SLIT3: variants seen among roughly 807,000 people sequenced by gnomAD.
SLIT3 encodes slit guidance ligand 3.
A neutral mutation model predicts 184.0 loss-of-function variants in SLIT3; 68 were observed. The ratio of observed to expected loss-of-function variants is 0.37; its 90% CI spans 0.30 to 0.45. The LOEUF (loss-of-function observed/expected upper bound fraction) is 0.45. SLIT3 is among the 20% of genes least tolerant of loss of function. The probability of loss-of-function intolerance (pLI) is 1.00; values close to 1 mark genes in which losing one functional copy is unlikely to be tolerated. For missense variants in SLIT3, 1,707 were observed against 2,026.0 expected, an observed-to-expected ratio of 0.84 and a Z score of 3.02; for synonymous variants, 831 against 828.6, an observed-to-expected ratio of 1.00 and a Z score of -0.05.
intron 4 of SLIT3, among the ~76,000 whole-genome samples, chr5:168,990,318 C>A (rs1755277205): frequency 6.6e-6 from 1 of 152,232 alleles, no homozygotes; most frequent in South Asian, 2.1e-4. Context: ...GGGTAAGAAA[C>A]TCCAGCCCCA....
chr5:168,977,496 T>C (rs1434473034), intron 4 of SLIT3, among the ~76,000 whole-genome samples: 1 of 152,194 alleles, frequency 6.6e-6, no homozygotes, highest in African/African-American at 2.4e-5. Flanking sequence ...CCAGATGCCC[T>C]ACCTTGCTCT....
chr5:168,669,165 C>T (rs1247922714), intron 35 of SLIT3, among the ~76,000 whole-genome samples: 1 of 152,204 alleles, frequency 6.6e-6, no homozygotes, highest in Non-Finnish European at 1.5e-5. Flanking sequence ...TTATGTGGTC[C>T]CCTCCCTCAC....
At chr5:168,838,696 A>G (rs1355074977) in intron 6 of SLIT3, among the ~76,000 whole-genome samples, 2 of 152,112 alleles carry the variant, frequency 1.3e-5, no homozygotes, top group Non-Finnish European at 2.9e-5. Flanking sequence ...ACCCTGACCT[A>G]GGTTTCAGGA....
chr5:168,763,474 G>A (rs920435040), intron 14 of SLIT3, among the ~76,000 whole-genome samples: 2 of 152,110 alleles, frequency 1.3e-5, no homozygotes, highest in Non-Finnish European at 2.9e-5. Flanking sequence ...GTCAGATTTG[G>A]CCTCTGTTTT....
intron 4 of SLIT3, among the ~76,000 whole-genome samples, chr5:168,924,898 A>T (rs1279814687): frequency 6.6e-6 from 1 of 152,194 alleles, no homozygotes; most frequent in Non-Finnish European, 1.5e-5. Context: ...TCTGCAGAGC[A>T]GAGCGGAGAA....
intron 1 of SLIT3, among the ~76,000 whole-genome samples, chr5:169,279,993 T>C (rs559639887): frequency 6.6e-6 from 1 of 152,364 alleles, no homozygotes; most frequent in African/African-American, 2.4e-5. Flanking sequence ...CAATCATCAA[T>C]GCTACCTTCA....
chr5:169,255,812 G>A (rs952091301), intron 1 of SLIT3, among the ~76,000 whole-genome samples: 2 of 152,222 alleles, frequency 1.3e-5, no homozygotes, highest in Non-Finnish European at 2.9e-5. Context: ...GAACCCGGGA[G>A]GCAGAGCTTG....
chr5:168,822,706 C>A (rs1452551051), intron 7 of SLIT3, among the ~76,000 whole-genome samples: 1 of 152,056 alleles, frequency 6.6e-6, no homozygotes, highest in Non-Finnish European at 1.5e-5. Flanking sequence ...GGTAAAGAAC[C>A]AAGTATGAGA....
intron 4 of SLIT3, among the ~76,000 whole-genome samples, chr5:169,044,235 C>T (rs1482081740): frequency 1.3e-5 from 2 of 152,140 alleles, no homozygotes; most frequent in African/African-American, 2.4e-5. Context: ...TTGGCAGTTC[C>T]TCAGAAAGTT....
chr5:168,998,586 C>T (rs1755591020), intron 4 of SLIT3, among the ~76,000 whole-genome samples: 3 of 152,048 alleles, frequency 2.0e-5, no homozygotes. Flanking sequence ...TACCTGTAAT[C>T]CCAGCTACTC....
intron 4 of SLIT3, among the ~76,000 whole-genome samples, chr5:169,129,984 G>T (rs1484475189): frequency 6.6e-6 from 1 of 152,110 alleles, no homozygotes; most frequent in Non-Finnish European, 1.5e-5. Flanking sequence ...GAGCAGCTGG[G>T]ATTACAGGTG....
intron 4 of SLIT3, among the ~76,000 whole-genome samples, chr5:169,161,667 T>C (rs190493080): frequency 9.3e-5 from 14 of 151,054 alleles, no homozygotes; most frequent in Admixed American, 6.6e-4. Flanking sequence ...TTTTTTTTTT[T>C]CATGTATGGT....
chr5:168,969,836 G>A (rs1364450327), intron 4 of SLIT3, among the ~76,000 whole-genome samples: 1 of 152,208 alleles, frequency 6.6e-6, no homozygotes, highest in Non-Finnish European at 1.5e-5. Context: ...CATGGGGATG[G>A]AAGATTCATT....
intron 20 of SLIT3, among the ~76,000 whole-genome samples, chr5:168,733,241 CCATAT>C (rs1023326103): frequency 8.5e-5 from 13 of 152,084 alleles, no homozygotes; most frequent in African/African-American, 2.7e-4. Flanking sequence ...CAGTGAGATA[CCATAT>C]CATATCAGCA....
intron 4 of SLIT3, among the ~76,000 whole-genome samples, chr5:169,193,203 A>G (rs1489401762): frequency 6.6e-6 from 1 of 152,182 alleles, no homozygotes; most frequent in Non-Finnish European, 1.5e-5. Flanking sequence ...CAATCCATGG[A>G]AGCATCGCCT....
At chr5:169,082,150 C>A (rs1326547048) in intron 4 of SLIT3, among the ~76,000 whole-genome samples, 1 of 152,160 alleles carries the variant, frequency 6.6e-6, no homozygotes, top group Non-Finnish European at 1.5e-5. Context: ...CTCCACAGGC[C>A]GTAGACATGC....
chr5:168,792,714 CA>C (rs1298445515), intron 10 of SLIT3, among the ~76,000 whole-genome samples: 1 of 152,212 alleles, frequency 6.6e-6, no homozygotes, highest in Admixed American at 6.5e-5. Flanking sequence ...TCAGGCCTAC[CA>C]GTCAGTTAAC....
intron 4 of SLIT3, among the ~76,000 whole-genome samples, chr5:169,006,427 C>G (rs1755929608): frequency 6.6e-6 from 1 of 152,086 alleles, no homozygotes. Flanking sequence ...GAGGAATCTA[C>G]CCCTCCCTTC....
At chr5:169,229,747 G>C (rs890970182) in intron 3 of SLIT3, among the ~76,000 whole-genome samples, 1 of 151,836 alleles carries the variant, frequency 6.6e-6, no homozygotes, top group Non-Finnish European at 1.5e-5. Flanking sequence ...TGGCTGTGCC[G>C]ATCTCAAAAT....
Sources: allele counts gnomAD v4.1 joint callset (sites outside exome capture counted in the v4.1 genomes callset), GRCh38; gene constraint gnomAD v4.1.1; transcripts MANE v1.5; gene names NCBI Gene and HGNC (gene_info 2026-07-23, HGNC 2026-07-21).